Variants in BRMS1L observed in about 807,000 individuals in gnomAD.
BRMS1L encodes the protein BRMS1 like transcriptional repressor, also known as breast cancer metastasis-suppressor 1-like protein.
Under a neutral mutation model 50.3 loss-of-function variants are expected in BRMS1L, and 23 were observed. The ratio of observed to expected loss-of-function variants is 0.46; its 90% confidence interval spans 0.33 to 0.65. The LOEUF (loss-of-function observed/expected upper bound fraction) is 0.65. BRMS1L is among the 30% of genes least tolerant of loss of function. The pLI, the probability that BRMS1L is intolerant of heterozygous loss-of-function variation, is 0.02. For synonymous variants in BRMS1L, 114 were observed against 126.9 expected, an observed-to-expected ratio of 0.90 and a Z score of 0.69; for missense variants, 286 against 386.1, an observed-to-expected ratio of 0.74 and a Z score of 2.17.
intron 9 of BRMS1L, 26 bp from the exon 10 acceptor site, chr14:35,870,334 A>G (rs768295875): frequency 2.2e-6 from 3 of 1,357,610 alleles, no homozygotes; most frequent in Admixed American, 3.9e-5. Context: ...TAATTCATTC[A>G]TTCATTCTTT....
At chr14:35,843,256 G>T (rs576041481) in intron 4 of BRMS1L, among the ~76,000 whole-genome samples, 1 of 152,254 alleles carries the variant, frequency 6.6e-6, no homozygotes, top group African/African-American at 2.4e-5. Context: ...AGGAGAAGAG[G>T]CGTTCTGGTT....
chr14:35,842,242 C>G (rs1012746156), intron 4 of BRMS1L, among the ~76,000 whole-genome samples: 4 of 151,996 alleles, frequency 2.6e-5, no homozygotes, highest in Admixed American at 2.0e-4. Context: ...GTTATTTTGC[C>G]TGTTAGTTGA....
chr14:35,870,024 A>G (rs777120881), intron 9 of BRMS1L, among the ~76,000 whole-genome samples: 6 of 151,832 alleles, frequency 4.0e-5, no homozygotes, highest in Non-Finnish European at 5.9e-5. Context: ...AGTTACAAGT[A>G]TAATACCATA....
chr14:35,864,509 C>G (rs1019117895), intron 6 of BRMS1L, among the ~76,000 whole-genome samples: 2 of 152,146 alleles, frequency 1.3e-5, no homozygotes, highest in Non-Finnish European at 2.9e-5. Context: ...CTGCATTGGC[C>G]TCCCAAAGTG....
At chr14:35,831,622 AAG>A in intron 2 of BRMS1L, 122 bp downstream of exon 2, 3 of 684,380 alleles carry the variant, frequency 4.4e-6, no homozygotes, top group Non-Finnish European at 7.6e-6. Context: ...ACCAATTTGA[AAG>A]AGGCTTCAAC....
rs947394691 is a variant in BRMS1L, at chr14:35,871,961, T to C, written c.*1484T>C. 4 of 152,252 alleles carry C rather than the reference T, an allele frequency of 2.6e-5. No individual in the cohort carries two copies. The highest frequency in any genetic ancestry group is 4.4e-5 in the Non-Finnish European group (3 of 68,038). 9.4% of individuals were successfully genotyped at this position (152,252 alleles called of 1,614,324 possible). On this transcript the variant is annotated 3_prime_UTR_variant, in exon 10 of 10. Coordinates refer to ENST00000216807, the MANE Select transcript of BRMS1L (RefSeq NM_032352.4). The stretch of plus-strand genomic sequence containing the variant: ...TATAATAAAAAGATGTGTTTCAGTG[T>C]GATTTGTAGTGTCTTGGATTACTTA...
chr14:35,855,241 T>C (rs2142055708), intron 4 of BRMS1L, among the ~76,000 whole-genome samples: 1 of 152,298 alleles, frequency 6.6e-6, no homozygotes, highest in South Asian at 2.1e-4. Context: ...TTTTGGGTCC[T>C]TGGGGATATC....
At position 35,871,072 on chromosome 14, in the gene BRMS1L, A is replaced by G. The variant is rs1030173544; in HGVS notation, c.*595A>G. The G allele has an allele frequency of 1.3e-5, 2 of 152,634 alleles. No individual in the cohort carries two copies. The highest frequency in any genetic ancestry group is 4.8e-5 in the African/African-American group (2 of 41,448). 9.5% of individuals were successfully genotyped at this position (152,634 alleles called of 1,614,324 possible). The stretch of plus-strand genomic sequence containing the variant: ...AAAGGAGCACTTTTGTAGAATAGCA[A>G]CTTTTCTTTTCCTCTTTCTTGATTG... On this transcript the variant is annotated 3_prime_UTR_variant, in exon 10 of 10. Coordinates refer to ENST00000216807, the MANE Select transcript of BRMS1L (RefSeq NM_032352.4).
chr14:35,830,992 G>A (rs2077913029), intron 1 of BRMS1L, among the ~76,000 whole-genome samples: 1 of 148,790 alleles, frequency 6.7e-6, no homozygotes, highest in African/African-American at 2.5e-5. Context: ...CCAGGGTGGA[G>A]TGCAGTGTCA....
At chr14:35,866,080 T>G (rs2078417579) in intron 8 of BRMS1L, 1 of 233,300 alleles carries the variant, frequency 4.3e-6, no homozygotes, top group Non-Finnish European at 8.2e-6. Context: ...GTGGATTGGC[T>G]TCAGAGATTC....
intron 1 of BRMS1L, among the ~76,000 whole-genome samples, chr14:35,828,213 C>G (rs2077869729): frequency 6.6e-6 from 1 of 152,078 alleles, no homozygotes. Context: ...CGCTCTGTTG[C>G]CCAGGCTGGA....
rs926900816 is a variant in BRMS1L at position 35,826,499 on chromosome 14, C to T, written c.-18C>T. 1.3e-6 allele frequency: 2 copies of T among 1,567,982 alleles called. No individual in the cohort carries two copies. The highest frequency in any genetic ancestry group is 8.6e-7 in the Non-Finnish European group (1 of 1,156,438). ...CGGGCTGGGCGCCGGTAGTGGAAAG[C>T]GACGGCGCGGCTGGAAAATGCCAGT... On this transcript the variant is annotated 5_prime_UTR_variant, in exon 1 of 10. Coordinates refer to ENST00000216807, the MANE Select transcript of BRMS1L (RefSeq NM_032352.4).
intron 4 of BRMS1L, among the ~76,000 whole-genome samples, chr14:35,844,326 G>T (rs1010471290): frequency 6.6e-6 from 1 of 152,170 alleles, no homozygotes; most frequent in Non-Finnish European, 1.5e-5. Context: ...GTAGGAACCC[G>T]AGGGAATCTC....
chr14:35,853,365 A>G (rs903962521), intron 4 of BRMS1L, among the ~76,000 whole-genome samples: 6 of 152,014 alleles, frequency 3.9e-5, no homozygotes, highest in African/African-American at 1.5e-4. Context: ...AATTACATTT[A>G]TAGTGATTAT....
intron 5 of BRMS1L, 66 bp downstream of exon 5, chr14:35,862,752 A>G: frequency 9.8e-7 from 1 of 1,018,394 alleles, no homozygotes; most frequent in Non-Finnish European, 1.4e-6. Context: ...GTAGTGTCAT[A>G]TCGTATCTCA....
intron 1 of BRMS1L, 78 bp downstream of exon 1, chr14:35,826,736 C>G: frequency 6.4e-7 from 1 of 1,559,168 alleles, no homozygotes; most frequent in East Asian, 2.3e-5. Context: ...CAGGCGGCTG[C>G]GTCCTGCTGG....
At chr14:35,864,830 G>A (rs2078400339) in intron 6 of BRMS1L, 105 bp from the exon 7 acceptor site, 4 of 827,600 alleles carry the variant, frequency 4.8e-6, no homozygotes, top group Non-Finnish European at 7.8e-6. Flanking sequence ...GGATGCCAAA[G>A]CATTATGCTC....
At chr14:35,826,764 A>C in intron 1 of BRMS1L, 106 bp downstream of exon 1, 1 of 1,483,492 alleles carries the variant, frequency 6.7e-7, no homozygotes, top group Non-Finnish European at 9.0e-7. Context: ...GGGCGGGGAC[A>C]GAGGGAAGGG....
chr14:35,832,272 A>T (rs960879188), intron 2 of BRMS1L, among the ~76,000 whole-genome samples: 2 of 148,176 alleles, frequency 1.3e-5, no homozygotes, highest in Non-Finnish European at 3.0e-5. Flanking sequence ...TGGGAGGCTG[A>T]GGCGGGTGGA....
Sources: allele counts gnomAD v4.1 joint callset (sites outside exome capture counted in the v4.1 genomes callset), GRCh38; gene constraint gnomAD v4.1.1; transcripts MANE v1.5; gene names NCBI Gene and HGNC (gene_info 2026-07-23, HGNC 2026-07-21).